The following KCNMA1 variants were observed in gnomAD, a reference collection of about 807,000 sequenced individuals.
KCNMA1 encodes potassium calcium-activated channel subfamily M alpha 1.
A neutral mutation model predicts 140.0 loss-of-function variants in KCNMA1; 29 were observed. The observed-to-expected ratio is 0.21, with a 90% CI of 0.15 to 0.28. KCNMA1 has a LOEUF of 0.28. KCNMA1 is among the 10% of genes least tolerant of loss of function. The probability of loss-of-function intolerance (pLI) is 1.00; values close to 1 mark genes in which losing one functional copy is unlikely to be tolerated. For synonymous variants in KCNMA1, 612 were observed against 611.9 expected (o/e 1.00, Z 0.00); for missense variants, 880 against 1,602.2 (o/e 0.55, Z 7.70).
intron 1 of KCNMA1, among the ~76,000 whole-genome samples, chr10:77,555,065 C>T (rs556065557): frequency 4.3e-4 from 66 of 152,040 alleles, no homozygotes; most frequent in African/African-American, 1.3e-3. Context: ...CATACACACA[C>T]GCACGCACAC....
At chr10:77,361,576 G>A (rs113634093) in intron 2 of KCNMA1, among the ~76,000 whole-genome samples, 75 of 152,356 alleles carry the variant, frequency 4.9e-4, no homozygotes, top group African/African-American at 1.7e-3. Flanking sequence ...AAAATTAGAG[G>A]TGCACGAAAG....
At chr10:77,269,891 C>T (rs970518127) in intron 2 of KCNMA1, among the ~76,000 whole-genome samples, 1 of 152,190 alleles carries the variant, frequency 6.6e-6, no homozygotes, top group Non-Finnish European at 1.5e-5. Flanking sequence ...GATAGGGAGG[C>T]TGCCCCAAGC....
At chr10:77,449,644 A>ATTT in intron 1 of KCNMA1, among the ~76,000 whole-genome samples, 1 of 114,786 alleles carries the variant, frequency 8.7e-6, no homozygotes. Context: ...TTAATTTTTA[A>ATTT]TTTTTTTTTT....
intron 1 of KCNMA1, among the ~76,000 whole-genome samples, chr10:77,411,566 C>A (rs2096618912): frequency 6.6e-6 from 1 of 152,184 alleles, no homozygotes; most frequent in African/African-American, 2.4e-5. Context: ...GACACGTACC[C>A]ATCCTGCTGT....
intron 3 of KCNMA1, among the ~76,000 whole-genome samples, chr10:77,211,733 A>G (rs2046138560): frequency 6.6e-6 from 1 of 152,232 alleles, no homozygotes; most frequent in Non-Finnish European, 1.5e-5. Flanking sequence ...ACTAGGATCT[A>G]TAAGGAACTT....
chr10:77,383,131 C>T (rs1440472595), intron 2 of KCNMA1, among the ~76,000 whole-genome samples: 1 of 151,088 alleles, frequency 6.6e-6, no homozygotes, highest in Admixed American at 6.6e-5. Context: ...TGATTGCCTC[C>T]TAACAGTCAT....
chr10:77,356,603 A>G (rs1457214186), intron 2 of KCNMA1, among the ~76,000 whole-genome samples: 3 of 152,166 alleles, frequency 2.0e-5, no homozygotes, highest in African/African-American at 7.2e-5. Flanking sequence ...AACAGGAAGA[A>G]ATCACCCAAT....
At chr10:77,490,515 G>A (rs1295305413) in intron 1 of KCNMA1, among the ~76,000 whole-genome samples, 1 of 152,168 alleles carries the variant, frequency 6.6e-6, no homozygotes, top group African/African-American at 2.4e-5. Context: ...AACAGTTTTT[G>A]CTAGTTTAAT....
At chr10:76,920,241 T>C (rs1443445591) in intron 23 of KCNMA1, among the ~76,000 whole-genome samples, 4 of 151,026 alleles carry the variant, frequency 2.6e-5, no homozygotes, top group Non-Finnish European at 5.9e-5. Context: ...CCTAAACTGG[T>C]TAATAATTGA....
chr10:77,079,683 G>T, intron 12 of KCNMA1, 133 bp from the exon 13 acceptor site: 1 of 715,838 alleles, frequency 1.4e-6, no homozygotes, highest in Non-Finnish European at 2.5e-6. Flanking sequence ...TCCAGAGGCA[G>T]GGCTCAGATA....
At chr10:77,450,265 A>T (rs958997117) in intron 1 of KCNMA1, among the ~76,000 whole-genome samples, 1 of 151,286 alleles carries the variant, frequency 6.6e-6, no homozygotes, top group African/African-American at 2.4e-5. Context: ...CATGTTGGCC[A>T]GGTTGGTCTC....
At chr10:77,275,302 GCT>G (rs149423575) in intron 2 of KCNMA1, among the ~76,000 whole-genome samples, 1,748 of 152,278 alleles carry the variant, frequency 0.011, 32 homozygotes, top group African/African-American at 0.04. Context: ...GAAAACCTGG[GCT>G]CTTACTCCAG....
At chr10:77,060,816 A>T (rs2095714188) in intron 14 of KCNMA1, among the ~76,000 whole-genome samples, 2 of 152,286 alleles carry the variant, frequency 1.3e-5, no homozygotes. Flanking sequence ...GAAATAGGAG[A>T]TGTGACAATG....
At chr10:77,001,917 G>A (rs191528232) in intron 18 of KCNMA1, among the ~76,000 whole-genome samples, 8 of 152,222 alleles carry the variant, frequency 5.3e-5, no homozygotes, top group East Asian at 3.9e-4. Context: ...AGCAAAAAAC[G>A]TAACCAACAC....
chr10:77,181,953 T>A (rs939979309), intron 5 of KCNMA1, among the ~76,000 whole-genome samples: 18 of 152,176 alleles, frequency 1.2e-4, no homozygotes, highest in African/African-American at 4.3e-4. Context: ...TATGTGCATA[T>A]AATATAGAGA....
At chr10:77,547,167 C>A (rs545866441) in intron 1 of KCNMA1, among the ~76,000 whole-genome samples, 136 of 152,268 alleles carry the variant, frequency 8.9e-4, no homozygotes, top group African/African-American at 3.2e-3. Context: ...TAGGAGTGTT[C>A]AAATTTCCAT....
chr10:77,292,112 G>GA (rs1189125234), intron 2 of KCNMA1, among the ~76,000 whole-genome samples: 1 of 152,220 alleles, frequency 6.6e-6, no homozygotes, highest in Non-Finnish European at 1.5e-5. Context: ...AAGGGCTCAT[G>GA]AAAGAGGGTT....
intron 1 of KCNMA1, among the ~76,000 whole-genome samples, chr10:77,486,668 TTCTA>T (rs1377982157): frequency 2.0e-5 from 3 of 152,254 alleles, no homozygotes; most frequent in African/African-American, 7.2e-5. Flanking sequence ...TTAGTTCTGC[TTCTA>T]TCTGTCACTC....
chr10:77,112,502 G>T, intron 6 of KCNMA1, 60 bp from the exon 7 acceptor site: 1 of 1,292,938 alleles, frequency 7.7e-7, no homozygotes, highest in Non-Finnish European at 1.1e-6. Context: ...TGCTGGGGCT[G>T]CCTTACAGGG....
Sources: gnomAD v4.1 joint callset for allele counts (sites outside exome capture counted in the v4.1 genomes callset) on GRCh38, gnomAD v4.1.1 for gene constraint, MANE v1.5 for transcripts, NCBI Gene and HGNC (gene_info 2026-07-23, HGNC 2026-07-21) for gene names.